CLEC16A: variants seen among roughly 807,000 people sequenced by gnomAD.
CLEC16A encodes C-type lectin domain containing 16A.
A neutral mutation model predicts 109.5 loss-of-function variants in CLEC16A; 51 were observed. That is an observed-to-expected ratio of 0.47 (90% CI 0.37 to 0.59). CLEC16A has a LOEUF of 0.59. Among genes scored for constraint, CLEC16A ranks in the 20% least tolerant of loss-of-function variants. The pLI is 0.00. For missense variants in CLEC16A, 1,339 were observed against 1,394.0 expected (o/e 0.96, Z 0.63); for synonymous variants, 673 against 564.2 (o/e 1.19, Z -2.73).
At chr16:11,036,712 C>T (rs552736575) in intron 13 of CLEC16A, among the ~76,000 whole-genome samples, 1 of 152,014 alleles carries the variant, frequency 6.6e-6, no homozygotes, top group Non-Finnish European at 1.5e-5. Context: ...CTACACCCAG[C>T]TAATTTTTGT....
At chr16:10,953,825 C>T (rs1440458879) in intron 1 of CLEC16A, among the ~76,000 whole-genome samples, 1 of 151,982 alleles carries the variant, frequency 6.6e-6, no homozygotes, top group Non-Finnish European at 1.5e-5. Flanking sequence ...AAATACAAAA[C>T]AATTAGCCGA....
chr16:10,967,599 A>G (rs1453799594), intron 3 of CLEC16A, among the ~76,000 whole-genome samples: 1 of 152,232 alleles, frequency 6.6e-6, no homozygotes, highest in Non-Finnish European at 1.5e-5. Flanking sequence ...AGTTAACATT[A>G]TCGAGTGCTT....
intron 22 of CLEC16A, among the ~76,000 whole-genome samples, chr16:11,151,643 T>A (rs2054294464): frequency 6.6e-6 from 1 of 152,260 alleles, no homozygotes. Context: ...TACTGGGCCC[T>A]CTGGGCCTCA....
intron 19 of CLEC16A, among the ~76,000 whole-genome samples, chr16:11,106,721 A>G (rs999779847): frequency 3.3e-5 from 5 of 151,890 alleles, no homozygotes; most frequent in African/African-American, 9.7e-5. Context: ...ATTTATTTCA[A>G]AGTAAATTGC....
At position 10,962,441 on chromosome 16, in the gene CLEC16A, C is replaced by T; in HGVS notation, c.210-14C>T. On this transcript the variant is annotated splice_polypyrimidine_tract_variant and intron_variant, in intron 2 of 23. Coordinates refer to ENST00000409790, the MANE Select transcript of CLEC16A (RefSeq NM_015226.3). ...TGGAAGCAAGCCACTGATGCTTTTC[C>T]ATTCTCTCCCCAGCTTCTTCCTGGA... The T allele has an allele frequency of 6.2e-7, 1 of 1,613,706 alleles. No homozygotes were observed. Among genetic ancestry groups the T allele is most frequent in the Non-Finnish European group, 8.5e-7 (1 of 1,179,756 alleles).
intron 13 of CLEC16A, among the ~76,000 whole-genome samples, chr16:11,037,021 G>C (rs186234019): frequency 1.4e-4 from 21 of 152,354 alleles, no homozygotes; most frequent in Non-Finnish European, 2.6e-4. Context: ...GATCCTGACA[G>C]CAGTCGTGGG....
chr16:11,022,206 T>C (rs953250345), intron 12 of CLEC16A, among the ~76,000 whole-genome samples: 1 of 152,164 alleles, frequency 6.6e-6, no homozygotes, highest in Non-Finnish European at 1.5e-5. Context: ...GGTTAGAGAC[T>C]GGCCCAGGTG....
intron 7 of CLEC16A, among the ~76,000 whole-genome samples, chr16:10,976,680 AC>A (rs1378684444): frequency 6.6e-6 from 1 of 152,146 alleles, no homozygotes; most frequent in East Asian, 1.9e-4. Context: ...GACTGACTCC[AC>A]CCAAGAGACA....
intron 14 of CLEC16A, 82 bp from the exon 15 acceptor site, chr16:11,042,172 C>A: frequency 5.9e-6 from 6 of 1,019,108 alleles, no homozygotes; most frequent in East Asian, 5.3e-5. Flanking sequence ...GACCTGCTAG[C>A]CTCAACGTGG....
intron 17 of CLEC16A, among the ~76,000 whole-genome samples, chr16:11,049,605 C>T (rs1355354785): frequency 6.6e-6 from 1 of 152,232 alleles, no homozygotes; most frequent in Non-Finnish European, 1.5e-5. Context: ...AGTCCTCAGC[C>T]TTCAGGAATG....
At chr16:11,159,906 A>C (rs992735278) in intron 22 of CLEC16A, among the ~76,000 whole-genome samples, 2 of 152,222 alleles carry the variant, frequency 1.3e-5, no homozygotes, top group Non-Finnish European at 2.9e-5. Flanking sequence ...AAAATATAAC[A>C]TAAGCCATCT....
intron 11 of CLEC16A, among the ~76,000 whole-genome samples, chr16:11,015,991 A>C (rs997673775): frequency 1.1e-4 from 16 of 152,252 alleles, no homozygotes; most frequent in Admixed American, 9.8e-4. Context: ...CAGATGTCTG[A>C]TGGCAAGCCT....
chr16:10,958,037 C>T, intron 2 of CLEC16A, 127 bp downstream of exon 2: 1 of 790,416 alleles, frequency 1.3e-6, no homozygotes, highest in Non-Finnish European at 1.9e-6. Flanking sequence ...AGATATCTAT[C>T]TCTGTCTAGC....
chr16:11,067,728 C>G (rs2048850079), intron 19 of CLEC16A, among the ~76,000 whole-genome samples: 2 of 152,232 alleles, frequency 1.3e-5, no homozygotes, highest in Admixed American at 1.3e-4. Context: ...CAGGGAGCCC[C>G]ATGGGGAGGC....
At chr16:11,177,372 G>A (rs572052641) in intron 23 of CLEC16A, among the ~76,000 whole-genome samples, 92 of 152,202 alleles carry the variant, frequency 6.0e-4, no homozygotes, top group Non-Finnish European at 1.0e-3. Context: ...AGGCCGAGGC[G>A]GGCGGATCAC....
rs2042250905 is a variant in CLEC16A at position 10,961,611 on chromosome 16, A to G, written c.210-844A>G. Among the ~76,000 whole-genome samples the G allele has an allele frequency of 6.6e-6, 1 of 152,232 alleles. No individual in the cohort carries two copies. Among genetic ancestry groups the G allele is most frequent in the Non-Finnish European group, 1.5e-5 (1 of 68,040 alleles). Reference sequence around the variant, plus strand: ...GCCAGTGCCGCTAGGCTGTGTACAGACAAGTATCCTATCCACAAGGAGAAA... The same window carrying G: ...GCCAGTGCCGCTAGGCTGTGTACAGGCAAGTATCCTATCCACAAGGAGAAA... On this transcript the variant is annotated intron_variant, in intron 2 of 23. Coordinates refer to ENST00000409790, the MANE Select transcript of CLEC16A (RefSeq NM_015226.3). The surrounding 1 kb of genome is among the most constrained non-coding windows in gnomAD (Gnocchi z 4.3).
At chr16:10,969,452 C>T in intron 4 of CLEC16A, 143 bp downstream of exon 4, 1 of 572,880 alleles carries the variant, frequency 1.7e-6, no homozygotes, top group Non-Finnish European at 2.8e-6. Flanking sequence ...TTCATGGCAA[C>T]ACTTTTGACT....
intron 19 of CLEC16A, among the ~76,000 whole-genome samples, chr16:11,075,253 C>T (rs74412952): frequency 2.3e-4 from 35 of 152,192 alleles, no homozygotes; most frequent in Admixed American, 3.3e-4. Flanking sequence ...CAGTAACTTC[C>T]GAGGCACATC....
intron 2 of CLEC16A, among the ~76,000 whole-genome samples, chr16:10,962,127 C>T (rs1438480655): frequency 6.0e-5 from 9 of 151,056 alleles, no homozygotes; most frequent in African/African-American, 2.2e-4. Context: ...TTTTTTTCTT[C>T]TCTGTAGAGG....
Sources: gnomAD v4.1 joint callset for allele counts (sites outside exome capture counted in the v4.1 genomes callset) on GRCh38, gnomAD v4.1.1 for gene constraint, Gnocchi (gnomAD v3.1) non-coding constraint, MANE v1.5 for transcripts, NCBI Gene and HGNC (gene_info 2026-07-23, HGNC 2026-07-21) for gene names.